The following PSD3 variants were observed in gnomAD, a reference collection of about 807,000 sequenced individuals.
PSD3 encodes pleckstrin and Sec7 domain containing 3, also known as PH and SEC7 domain-containing protein 3.
PSD3 carries 49 observed loss-of-function variants against 105.5 expected under a neutral mutation model. The ratio of observed to expected loss-of-function variants is 0.46; its 90% CI spans 0.37 to 0.59. The LOEUF (loss-of-function observed/expected upper bound fraction) is 0.59, where lower values mean the gene tolerates loss of function less well. Among genes scored for constraint, PSD3 ranks in the 20% least tolerant of loss-of-function variants. PSD3 has a pLI of 0.00. For missense variants in PSD3, 1,561 were observed against 1,263.8 expected (o/e 1.24, Z -3.57); for synonymous variants, 557 against 457.8 (o/e 1.22, Z -2.77).
At chr8:18,612,896 G>A (rs558848993) in intron 11 of PSD3, among the ~76,000 whole-genome samples, 25 of 152,222 alleles carry the variant, frequency 1.6e-4, no homozygotes, top group Admixed American at 3.9e-4. Flanking sequence ...CCACAGAGTC[G>A]CTCAGATCTA....
chr8:18,925,769 T>C (rs1332687938), intron 2 of PSD3, among the ~76,000 whole-genome samples: 2 of 152,166 alleles, frequency 1.3e-5, no homozygotes, highest in African/African-American at 4.8e-5. Context: ...GGAAGATGAC[T>C]GGAGGACGCA....
At chr8:18,550,818 T>C (rs79730222) in intron 15 of PSD3, among the ~76,000 whole-genome samples, 3,566 of 152,286 alleles carry the variant, frequency 0.023, 61 homozygotes, top group East Asian at 0.085. Context: ...TTCAATTTCC[T>C]CAATAATTCT....
intron 15 of PSD3, among the ~76,000 whole-genome samples, chr8:18,546,429 G>C (rs529730364): frequency 6.6e-6 from 1 of 152,198 alleles, no homozygotes; most frequent in Non-Finnish European, 1.5e-5. Flanking sequence ...AACCCAAGGA[G>C]TCAGTGAGCC....
intron 2 of PSD3, among the ~76,000 whole-genome samples, chr8:18,890,593 G>A (rs753670961): frequency 2.0e-5 from 3 of 152,094 alleles, no homozygotes; most frequent in Non-Finnish European, 4.4e-5. Context: ...CGACCCTCCC[G>A]GTAAGCTCGT....
intron 8 of PSD3, among the ~76,000 whole-genome samples, chr8:18,777,577 G>A: frequency 6.6e-6 from 1 of 152,094 alleles, no homozygotes; most frequent in East Asian, 1.9e-4. Flanking sequence ...TGGGGTACAT[G>A]TGATATTTTG....
At position 19,041,662 on chromosome 8, in the gene PSD3, T is replaced by C. The variant is rs532746152; in HGVS notation, c.324+42544A>G. 2.0e-4 allele frequency among the ~76,000 whole-genome samples: 31 copies of C among 152,336 alleles called. No individual in the cohort carries two copies. The South Asian group carries it at 6.4e-3, about 32-fold the overall frequency. On this transcript the variant is annotated intron_variant, in intron 1 of 1. Coordinates refer to the PSD3 transcript ENST00000521475. Reference sequence around the variant, plus strand: ...TAAAATAACTGTAAGTCAATATGTATCAGGTAAACACATTGGACTACGCCC... The same window carrying C: ...TAAAATAACTGTAAGTCAATATGTACCAGGTAAACACATTGGACTACGCCC...
upstream of PSD3, among the ~76,000 whole-genome samples, chr8:19,016,969 G>A (rs991818685): frequency 1.6e-4 from 25 of 151,868 alleles, no homozygotes; most frequent in Non-Finnish European, 2.8e-4. Flanking sequence ...CTATTACAAT[G>A]GCAATTAAAT....
At chr8:18,866,992 G>A (rs956817240) in intron 4 of PSD3, among the ~76,000 whole-genome samples, 1 of 151,822 alleles carries the variant, frequency 6.6e-6, no homozygotes, top group Non-Finnish European at 1.5e-5. Flanking sequence ...ATGAAACGCT[G>A]GATAATCCAT....
At chr8:18,969,138 G>T (rs575776150) in intron 1 of PSD3, among the ~76,000 whole-genome samples, 1 of 152,108 alleles carries the variant, frequency 6.6e-6, no homozygotes, top group Non-Finnish European at 1.5e-5. Context: ...TTTCTTGAGG[G>T]GAAGGAGGTA....
intron 2 of PSD3, among the ~76,000 whole-genome samples, chr8:18,914,029 G>A (rs1440434516): frequency 6.6e-6 from 1 of 152,000 alleles, no homozygotes; most frequent in Non-Finnish European, 1.5e-5. Flanking sequence ...CTCCAGACTT[G>A]AACCTGAAAA....
chr8:19,064,736 A>G (rs1354659559), intron 1 of PSD3, among the ~76,000 whole-genome samples: 1 of 152,206 alleles, frequency 6.6e-6, no homozygotes, highest in African/African-American at 2.4e-5. Context: ...TATTTGGTCT[A>G]AACATGAAAT....
At chr8:18,706,494 G>A (rs2129419512) in intron 9 of PSD3, among the ~76,000 whole-genome samples, 1 of 152,228 alleles carries the variant, frequency 6.6e-6, no homozygotes, top group Non-Finnish European at 1.5e-5. Flanking sequence ...AATATCCAAA[G>A]AAATAATCAT....
At chr8:18,983,805 C>G (rs572715205) in intron 1 of PSD3, among the ~76,000 whole-genome samples, 28 of 151,742 alleles carry the variant, frequency 1.8e-4, no homozygotes, top group Non-Finnish European at 4.1e-4. Context: ...TGGAGACTAG[C>G]CAGGGCAACA....
chr8:18,655,398 A>G (rs943349773), intron 10 of PSD3, among the ~76,000 whole-genome samples: 2 of 152,122 alleles, frequency 1.3e-5, no homozygotes, highest in Admixed American at 6.5e-5. Flanking sequence ...TAAAAGCAGA[A>G]TAGGAACACA....
At chr8:18,937,955 A>G (rs182327394) in intron 1 of PSD3, among the ~76,000 whole-genome samples, 9 of 152,256 alleles carry the variant, frequency 5.9e-5, no homozygotes, top group African/African-American at 2.2e-4. Flanking sequence ...GGATGAGGCT[A>G]CTCAGATAAC....
At chr8:18,770,010 T>G (rs1165782312) in intron 8 of PSD3, among the ~76,000 whole-genome samples, 2 of 152,238 alleles carry the variant, frequency 1.3e-5, no homozygotes, top group African/African-American at 4.8e-5. Flanking sequence ...GTGGGATTAT[T>G]GAGTCCTATG....
In PSD3 at chr8:19,001,218, C is replaced by T. The variant is rs1273441951; in HGVS notation, c.21+12345G>A. On this transcript the variant is annotated intron_variant, in intron 1 of 15. Transcript: ENST00000327040. ...CAAGCAATCCTCCCTCCTCAGTCTT[C>T]CAGGTAGCTGGGACTACAGGCTCGC... Among the ~76,000 whole-genome samples, 4 of 151,834 alleles carry T rather than the reference C, an allele frequency of 2.6e-5. No homozygotes were observed. The East Asian group carries it at 7.7e-4, about 29-fold the overall frequency.
At chr8:18,562,453 T>C (rs1427079587) in intron 14 of PSD3, among the ~76,000 whole-genome samples, 1 of 152,222 alleles carries the variant, frequency 6.6e-6, no homozygotes, top group South Asian at 2.1e-4. Context: ...CTTCAGCACA[T>C]TGTCTTACTT....
intron 4 of PSD3, among the ~76,000 whole-genome samples, chr8:18,844,714 G>C (rs1488118044): frequency 6.6e-6 from 1 of 152,200 alleles, no homozygotes; most frequent in Non-Finnish European, 1.5e-5. Flanking sequence ...TATTAGAAAA[G>C]TTAGTTAGAA....
Sources: allele counts gnomAD v4.1 joint callset (sites outside exome capture counted in the v4.1 genomes callset), GRCh38; gene constraint gnomAD v4.1.1; transcripts MANE v1.5; gene names NCBI Gene and HGNC (gene_info 2026-07-23, HGNC 2026-07-21).